The following BRAF variants were observed in gnomAD, a reference collection of about 807,000 sequenced individuals.
BRAF encodes serine/threonine-protein kinase B-raf.
In BRAF, 16 loss-of-function variants were observed where a neutral mutation model predicts 104.6. The observed-to-expected ratio is 0.15, with a 90% confidence interval of 0.10 to 0.23. The LOEUF (loss-of-function observed/expected upper bound fraction) is 0.23, where lower values mean the gene tolerates loss of function less well. BRAF is among the 10% of genes least tolerant of loss of function. BRAF has a pLI of 1.00. For synonymous variants in BRAF, 310 were observed against 341.6 expected (o/e 0.91, Z 1.02); for missense variants, 541 against 937.3 (o/e 0.58, Z 5.52).
At chr7:140,751,880 G>A (rs1437410077) in intron 16 of BRAF, among the ~76,000 whole-genome samples, 1 of 152,142 alleles carries the variant, frequency 6.6e-6, no homozygotes, top group African/African-American at 2.4e-5. Flanking sequence ...GAAAGTCTTA[G>A]TGCAGATTAA....
chr7:140,807,608 G>A (rs952515657), intron 5 of BRAF, among the ~76,000 whole-genome samples: 2 of 152,082 alleles, frequency 1.3e-5, no homozygotes, highest in African/African-American at 2.4e-5. Flanking sequence ...ACAAGCACAC[G>A]TTTGTGTACA....
chr7:140,921,329 C>T lies in BRAF; in HGVS notation c.138+3237G>A, dbSNP rs569422808. On this transcript the variant is annotated intron_variant, in intron 1 of 19. Transcript: ENST00000644969. ...TTAATGCCAAAAGTACAAGTACATT[C>T]ATTTGATAAATATTTAATAAGCACT... is the stretch of plus-strand genomic sequence containing the variant. Among the ~76,000 whole-genome samples, 8 of 152,178 alleles carry T rather than the reference C, an allele frequency of 5.3e-5. No homozygotes were observed. In the South Asian group the frequency reaches 1.2e-3, roughly 24 times the overall value.
intron 1 of BRAF, among the ~76,000 whole-genome samples, chr7:140,896,690 A>C (rs1434085600): frequency 6.6e-6 from 1 of 151,994 alleles, no homozygotes; most frequent in South Asian, 2.1e-4. Flanking sequence ...ATATGGTGAA[A>C]CTCCGTCTCT....
At chr7:140,837,069 G>A (rs570625328) in intron 2 of BRAF, among the ~76,000 whole-genome samples, 1 of 152,200 alleles carries the variant, frequency 6.6e-6, no homozygotes, top group East Asian at 1.9e-4. Context: ...CTTTTGTTAA[G>A]TACAAAACAT....
chr7:140,840,316 G>A (rs2129066544), intron 2 of BRAF, among the ~76,000 whole-genome samples: 1 of 150,996 alleles, frequency 6.6e-6, no homozygotes, highest in Admixed American at 6.6e-5. Context: ...CAAAAGCACA[G>A]CAACCACAGA....
intron 11 of BRAF, 24 bp downstream of exon 10, chr7:140,782,997 A>C: frequency 6.2e-7 from 1 of 1,612,060 alleles, no homozygotes; most frequent in Non-Finnish European, 8.5e-7. Flanking sequence ...AATTCAGAGA[A>C]AAAAAGATAT....
chr7:140,855,217 C>T (rs1210878953), intron 1 of BRAF, among the ~76,000 whole-genome samples: 1 of 151,786 alleles, frequency 6.6e-6, no homozygotes, highest in East Asian at 1.9e-4. Flanking sequence ...GAAAAGCTAA[C>T]GGTAGGTACA....
chr7:140,719,433 T>C lies in BRAF; in HGVS notation c.*7061A>G. On this transcript the variant is annotated 3_prime_UTR_variant, in exon 20 of 20. Transcript: ENST00000644969. ...TTATATAATACAGTTTTTAAATAACTTTACACAGAAATAAATTTCTTCAAT... is the reference window on the plus strand; with the variant it reads ...TTATATAATACAGTTTTTAAATAACCTTACACAGAAATAAATTTCTTCAAT... 9.9e-7 allele frequency: 1 copy of C among 1,009,400 alleles called. No homozygotes were observed. The highest frequency in any genetic ancestry group is 1.2e-6 in the Non-Finnish European group (1 of 836,706). 62.5% of individuals were successfully genotyped at this position (1,009,400 alleles called of 1,614,324 possible).
At chr7:140,889,578 T>G (rs1330617638) in intron 1 of BRAF, among the ~76,000 whole-genome samples, 4 of 152,104 alleles carry the variant, frequency 2.6e-5, no homozygotes, top group Non-Finnish European at 5.9e-5. Flanking sequence ...CTAACAGATA[T>G]CAGTGTATTA....
intron 17 of BRAF, among the ~76,000 whole-genome samples, chr7:140,747,087 T>C (rs544488205): frequency 2.6e-5 from 4 of 152,252 alleles, no homozygotes; most frequent in South Asian, 4.1e-4. Context: ...CCAAGTATTA[T>C]AGATAGCAAA....
chr7:140,909,839 C>CA lies in BRAF; in HGVS notation c.138+14726dup, dbSNP rs1176505298. Among the ~76,000 whole-genome samples the CA allele has an allele frequency of 4.7e-5, 7 of 147,594 alleles. 1 individual carries two copies. In the South Asian group the frequency reaches 6.3e-4, roughly 13 times the overall value. On this transcript the variant is annotated intron_variant, in intron 1 of 19. Transcript: ENST00000644969. ...ACAACAACAACAACAACAACAACAA[C>CA]AACAACAAAAAAGTGCCTCATACAC...
intron 14 of BRAF, among the ~76,000 whole-genome samples, chr7:140,774,657 C>T (rs1289984223): frequency 6.6e-6 from 1 of 152,202 alleles, no homozygotes; most frequent in Non-Finnish European, 1.5e-5. Context: ...GCTAGGACTA[C>T]AGGCAAGTGC....
At chr7:140,835,136 T>G in intron 2 of BRAF, 1 of 413,168 alleles carries the variant, frequency 2.4e-6, no homozygotes. Context: ...CCATGAATAA[T>G]AAAAAAGCAC....
At chr7:140,730,890 G>T (rs1352352328) in intron 19 of BRAF, 1 of 152,178 alleles carries the variant, frequency 6.6e-6, no homozygotes, top group Non-Finnish European at 1.5e-5. Context: ...CTTAAAGTAT[G>T]TTATGAAAAG....
intron 3 of BRAF, among the ~76,000 whole-genome samples, chr7:140,826,926 T>G (rs933124692): frequency 1.3e-5 from 2 of 152,246 alleles, no homozygotes; most frequent in Non-Finnish European, 2.9e-5. Flanking sequence ...TTGGTTGTTA[T>G]GTGCACTTGG....
In BRAF at chr7:140,834,615, C is replaced by T; in HGVS notation, c.498G>A (p.Arg166=). 1 of 1,614,100 alleles carries T rather than the reference C, an allele frequency of 6.2e-7. No individual in the cohort carries two copies. Among genetic ancestry groups the T allele is most frequent in the Non-Finnish European group, 8.5e-7 (1 of 1,180,002 alleles). ...IVRVFLPNKQ[R]TVVPARCGVT... is the part of the protein sequence containing the mutation. ...GATATTAAAACTGACTCACCACTGT[C>T]CTCTGTTTGTTGGGCAGGAAGACTC... Residue 166 remains arginine, a synonymous_variant, in exon 3 of 20, where the codon AGG becomes AGA. Transcript: ENST00000644969.
At chr7:140,820,971 T>C (rs1344833631) in intron 3 of BRAF, among the ~76,000 whole-genome samples, 1 of 152,222 alleles carries the variant, frequency 6.6e-6, no homozygotes, top group Non-Finnish European at 1.5e-5. Context: ...TATATGCTTA[T>C]TCTTTTTAGT....
chr7:140,912,716 T>A (rs1817124460), intron 1 of BRAF, among the ~76,000 whole-genome samples: 1 of 152,212 alleles, frequency 6.6e-6, no homozygotes, highest in Non-Finnish European at 1.5e-5. Context: ...TTCACCTAAT[T>A]TTTGTATTTT....
At chr7:140,896,365 G>A (rs948167162) in intron 1 of BRAF, among the ~76,000 whole-genome samples, 10 of 152,002 alleles carry the variant, frequency 6.6e-5, no homozygotes, top group African/African-American at 1.7e-4. Context: ...AAAGATTCTC[G>A]CAAATAATAC....
Sources: allele counts gnomAD v4.1 joint callset (sites outside exome capture counted in the v4.1 genomes callset), GRCh38; gene constraint gnomAD v4.1.1; transcripts MANE v1.5; gene names NCBI Gene and HGNC (gene_info 2026-07-23, HGNC 2026-07-21).